GRTP1: variants seen among roughly 807,000 people sequenced by gnomAD.
The protein encoded by GRTP1 is growth hormone-regulated TBC protein 1.
A neutral mutation model predicts 38.1 loss-of-function variants in GRTP1; 56 were observed. The ratio of observed to expected loss-of-function variants is 1.47; its 90% confidence interval spans 1.19 to 1.84. The LOEUF is 1.84. Ranked by LOEUF, GRTP1 falls within the 40% of genes most tolerant of loss-of-function variation. The pLI is 0.00. For synonymous variants in GRTP1, 217 were observed against 189.5 expected (o/e 1.14, Z -1.19); for missense variants, 506 against 453.9 (o/e 1.11, Z -1.04).
At chr13:113,346,177 G>A (rs866745617) in intron 4 of GRTP1, among the ~76,000 whole-genome samples, 64 of 140,658 alleles carry the variant, frequency 4.6e-4, no homozygotes, top group African/African-American at 1.3e-3. Context: ...AGTGGACCCG[G>A]GAGGACCTCT....
chr13:113,346,014 G>A (rs540295546), intron 4 of GRTP1, among the ~76,000 whole-genome samples: 1 of 93,056 alleles, frequency 1.1e-5, no homozygotes, highest in African/African-American at 3.9e-5. Flanking sequence ...GGACCTCTGC[G>A]GCTGAGCAGA....
chr13:113,348,083 G>A lies in GRTP1; in HGVS notation c.465+2766C>T, dbSNP rs1260208647. On this transcript the variant is annotated intron_variant, in intron 4 of 7. Coordinates refer to ENST00000375431, the MANE Select transcript of GRTP1 (RefSeq NM_024719.4). This position sits in a 1 kb window ranked among gnomAD's most constrained non-coding sequence, Gnocchi z 4.8. Reference sequence around the variant, plus strand: ...GGCTGAGAATGGACCCCTTTGAGTGGACAGTGCTACTGGACCTGGGAGAGG... The same window carrying A: ...GGCTGAGAATGGACCCCTTTGAGTGAACAGTGCTACTGGACCTGGGAGAGG... 8.5e-5 allele frequency among the ~76,000 whole-genome samples: 13 copies of A among 152,316 alleles called. No homozygotes were observed. Among genetic ancestry groups the A allele is most frequent in the African/African-American group, 2.6e-4 (11 of 41,568 alleles).
At chr13:113,350,289 G>A (rs370608568) in intron 4 of GRTP1, among the ~76,000 whole-genome samples, 5 of 152,210 alleles carry the variant, frequency 3.3e-5, no homozygotes, top group East Asian at 3.9e-4. Flanking sequence ...TCCGGGAGGC[G>A]CAAGGACTCT....
At chr13:113,335,791 ATT>A (rs879303395) in intron 5 of GRTP1, among the ~76,000 whole-genome samples, 3 of 145,356 alleles carry the variant, frequency 2.1e-5, no homozygotes, top group Non-Finnish European at 3.0e-5. Flanking sequence ...AAATGACGGG[ATT>A]TTTTTTTTTT....
intron 3 of GRTP1, among the ~76,000 whole-genome samples, chr13:113,352,437 A>G (rs1226179631): frequency 7.2e-6 from 1 of 139,838 alleles, no homozygotes; most frequent in African/African-American, 2.6e-5. Flanking sequence ...GCAGAGGTGC[A>G]ATCACGGCTC....
intron 2 of GRTP1, among the ~76,000 whole-genome samples, chr13:113,359,381 T>C (rs1595516401): frequency 6.6e-6 from 1 of 152,336 alleles, no homozygotes; most frequent in East Asian, 1.9e-4. Context: ...CCAGGTGCAG[T>C]GGCTCATGCC....
At chr13:113,355,238 TG>T in intron 3 of GRTP1, 84 bp downstream of exon 3, 1 of 1,443,722 alleles carries the variant, frequency 6.9e-7, no homozygotes, top group Non-Finnish European at 9.5e-7. Flanking sequence ...CGCTCACCCC[TG>T]GACGCTGAGG....
rs185518834 is a variant in GRTP1, at chr13:113,357,897, G to A, written c.182-2416C>T. ...CTGGAAATCATATATTTAAAACTGC[G>A]GCCTGGCGTGGTGGTTCATGCCTGT... On this transcript the variant is annotated intron_variant, in intron 2 of 7. Transcript: ENST00000375431. Among the ~76,000 whole-genome samples, 50 of 152,210 alleles carry A rather than the reference G, an allele frequency of 3.3e-4. 2 individuals carry two copies. Among genetic ancestry groups the A allele is most frequent in the Admixed American group, 2.6e-3 (39 of 15,282 alleles).
intron 5 of GRTP1, among the ~76,000 whole-genome samples, chr13:113,335,029 A>T (rs915247646): frequency 6.6e-6 from 1 of 151,890 alleles, no homozygotes; most frequent in Non-Finnish European, 1.5e-5. Flanking sequence ...TCACTGTGTT[A>T]GCCAGGATGG....
At chr13:113,346,086 G>A (rs1310811827) in intron 4 of GRTP1, among the ~76,000 whole-genome samples, 23 of 8,418 alleles carry the variant, frequency 2.7e-3, no homozygotes, top group Admixed American at 9.1e-3. Context: ...GAGCAGACCT[G>A]GGAAGACATC....
At chr13:113,346,070 G>GTTCCTGACAGTGGACC (rs2043108286) in intron 4 of GRTP1, among the ~76,000 whole-genome samples, 1 of 90,904 alleles carries the variant, frequency 1.1e-5, no homozygotes, top group Non-Finnish European at 2.2e-5. Flanking sequence ...GAGGACCTCT[G>GTTCCTGACAGTGGACC]CGGCTGAGCA....
intron 5 of GRTP1, 85 bp from the exon 6 acceptor site, chr13:113,326,176 CAG>C: frequency 6.5e-7 from 1 of 1,527,458 alleles, no homozygotes; most frequent in Non-Finnish European, 8.8e-7. Context: ...ACAAAGACAA[CAG>C]GGCCACCCTG....
Position 113,350,860 on chromosome 13 carries a change from C to T in GRTP1, c.454G>A (p.Gly152Ser), listed in dbSNP as rs994193403. 1 of 1,575,576 alleles carries T rather than the reference C, an allele frequency of 6.3e-7. No individual in the cohort carries two copies. Among genetic ancestry groups the T allele is most frequent in the Non-Finnish European group, 8.7e-7 (1 of 1,152,664 alleles). Reference protein sequence around the residue: ...LAYGHHNQGVGYCQGMNFIAG... With the variant: ...LAYGHHNQGVSYCQGMNFIAG... Reference sequence around the variant, plus strand: ...GTCCCGAGGCTCACCTGGCAGTAGCCCACTCCCTGGTTATGGTGCCCATAT... The same window carrying T: ...GTCCCGAGGCTCACCTGGCAGTAGCTCACTCCCTGGTTATGGTGCCCATAT... Residue 152 changes from glycine to serine, a missense_variant, in exon 4 of 8, where the codon GGC becomes AGC. By Grantham distance (56) the Gly-to-Ser change is moderately conservative (BLOSUM62 0). Coordinates refer to ENST00000375431, the MANE Select transcript of GRTP1 (RefSeq NM_024719.4).
Position 113,364,076 on chromosome 13 carries a change from C to G in GRTP1, c.-25G>C. The G allele has an allele frequency of 8.0e-7, 1 of 1,247,066 alleles. No homozygotes were observed. Among genetic ancestry groups the G allele is most frequent in the South Asian group, 3.7e-5 (1 of 26,752 alleles). The allele number at this position is 1,247,066 out of a possible 1,614,324, so 77.3% of individuals were successfully genotyped here. A position where few individuals can be genotyped will look rare whatever the true frequency, so the allele number is the denominator to read the frequency against. ...TGCGGGGAGGGAGGCGCGCACCGAG[C>G]GAGGCCAGCGGGTCCCAAGTTCGCC... On this transcript the variant is annotated 5_prime_UTR_variant, in exon 1 of 8. Coordinates refer to ENST00000375431, the MANE Select transcript of GRTP1 (RefSeq NM_024719.4).
At chr13:113,337,781 C>T (rs183044078) in intron 5 of GRTP1, among the ~76,000 whole-genome samples, 201 of 152,352 alleles carry the variant, frequency 1.3e-3, no homozygotes, top group African/African-American at 3.8e-3. Flanking sequence ...ACCCTCAGGA[C>T]AGGTGACCTC....
chr13:113,339,062 C>G (rs1229860829), intron 5 of GRTP1, among the ~76,000 whole-genome samples: 1 of 152,058 alleles, frequency 6.6e-6, no homozygotes, highest in African/African-American at 2.4e-5. Flanking sequence ...TACAGGTGCA[C>G]TGCACCATGC....
chr13:113,337,620 G>A (rs2042971510), intron 5 of GRTP1, among the ~76,000 whole-genome samples: 1 of 152,236 alleles, frequency 6.6e-6, no homozygotes, highest in Non-Finnish European at 1.5e-5. Context: ...CACACTTAAG[G>A]TGCAAGGCCT....
At chr13:113,326,674 AAAACAAAC>A (rs141943988) in intron 5 of GRTP1, among the ~76,000 whole-genome samples, 2 of 151,888 alleles carry the variant, frequency 1.3e-5, no homozygotes, top group African/African-American at 2.4e-5. Context: ...CTGTCTCAAA[AAAACAAAC>A]AAACAAAAAT....
Position 113,325,328 on chromosome 13 carries a change from CTA to C in GRTP1, c.921+331_921+332del, listed in dbSNP as rs1395424830. ...ACAACGCCCTCATCAGGACCTGAGT[CTA>C]TACGGCCTGCGCCAGGTCCAGGACC... On this transcript the variant is annotated intron_variant, in intron 7 of 7. Coordinates refer to ENST00000375431, the MANE Select transcript of GRTP1 (RefSeq NM_024719.4). 2.9e-6 allele frequency: 4 copies of C among 1,401,038 alleles called. No individual in the cohort carries two copies. In the African/African-American group the frequency reaches 5.8e-5, roughly 20 times the overall value. The allele number at this position is 1,401,038 out of a possible 1,614,324, so 86.8% of individuals were successfully genotyped here.
Sources: allele counts gnomAD v4.1 joint callset (sites outside exome capture counted in the v4.1 genomes callset), GRCh38; gene constraint gnomAD v4.1.1; non-coding constraint Gnocchi (gnomAD v3.1); transcripts MANE v1.5; gene names NCBI Gene and HGNC (gene_info 2026-07-23, HGNC 2026-07-21).